Variants in GAPVD1 observed in about 807,000 individuals in gnomAD.
GAPVD1 encodes the protein GTPase activating protein and VPS9 domains 1, also known as GTPase-activating protein and VPS9 domain-containing protein 1.
In GAPVD1, 35 loss-of-function variants were observed where a neutral mutation model predicts 155.5. The ratio of observed to expected loss-of-function variants is 0.23; its 90% CI spans 0.17 to 0.30. The LOEUF (loss-of-function observed/expected upper bound fraction) is 0.30, where lower values mean the gene tolerates loss of function less well. Ranked by LOEUF, GAPVD1 falls within the 10% of genes least tolerant of loss-of-function variation. GAPVD1 has a pLI of 1.00. For missense variants in GAPVD1, 1,429 were observed against 1,775.7 expected, an observed-to-expected ratio of 0.80 and a Z score of 3.51; for synonymous variants, 636 against 619.7, an observed-to-expected ratio of 1.03 and a Z score of -0.39.
chr9:125,265,858 G>A (rs1034889327), intron 1 of GAPVD1, among the ~76,000 whole-genome samples: 2 of 146,444 alleles, frequency 1.4e-5, no homozygotes, highest in African/African-American at 5.0e-5. Flanking sequence ...CCTTGAACCC[G>A]GGAGTTCAAG....
chr9:125,320,199 G>A (rs1284883423), intron 9 of GAPVD1, among the ~76,000 whole-genome samples: 1 of 152,138 alleles, frequency 6.6e-6, no homozygotes, highest in Non-Finnish European at 1.5e-5. Flanking sequence ...ACAGCCAAGG[G>A]AGCCAAGGCC....
Position 125,292,547 on chromosome 9 carries a change from C to T in GAPVD1, c.-149-2911C>T, listed in dbSNP as rs374914912. ...AGCTGGGATTACAGGTGTGCACCAC[C>T]AAGCCCGGCTAATTTTTGTATTTTT... On this transcript the variant is annotated intron_variant, in intron 2 of 27. Coordinates refer to ENST00000297933, the MANE Select transcript of GAPVD1 (RefSeq NM_001282680.3). Among the ~76,000 whole-genome samples, 13 of 152,164 alleles carry T rather than the reference C, an allele frequency of 8.5e-5. No individual in the cohort carries two copies. In the East Asian group the frequency reaches 2.5e-3, roughly 29 times the overall value.
At chr9:125,262,580 T>G (rs1413727323) in intron 1 of GAPVD1, among the ~76,000 whole-genome samples, 2 of 152,162 alleles carry the variant, frequency 1.3e-5, no homozygotes, top group African/African-American at 4.8e-5. Context: ...CAGGGTTCTG[T>G]GTATAAATGT....
chr9:125,293,872 A>ATATAAATATATTT (rs1564311691), intron 2 of GAPVD1, among the ~76,000 whole-genome samples: 3 of 14,620 alleles, frequency 2.1e-4, no homozygotes, highest in East Asian at 1.9e-3. Flanking sequence ...ATATATATAT[A>ATATAAATATATTT]TATATATATA....
intron 13 of GAPVD1, among the ~76,000 whole-genome samples, chr9:125,331,489 C>A (rs993692145): frequency 5.3e-5 from 8 of 152,328 alleles, no homozygotes; most frequent in Middle Eastern, 6.8e-3. Context: ...GTGTGAGCTA[C>A]CACGGCTGGC....
Position 125,321,635 on chromosome 9 carries a change from A to C in GAPVD1, c.1732+73A>C, listed in dbSNP as rs1408975285. 1.6e-5 allele frequency: 21 copies of C among 1,333,490 alleles called. No homozygotes were observed. In the East Asian group the frequency reaches 4.9e-4, roughly 31 times the overall value. The allele number at this position is 1,333,490 out of a possible 1,614,324, so 82.6% of individuals were successfully genotyped here. A position where few individuals can be genotyped will look rare whatever the true frequency, so the allele number is the denominator to read the frequency against. On this transcript the variant is annotated intron_variant, in intron 10 of 27. Coordinates refer to ENST00000297933, the MANE Select transcript of GAPVD1 (RefSeq NM_001282680.3). Reference sequence around the variant, plus strand: ...TGTTTTGTGTTTTTTAAAGGAGCTTATAAATTATAATTATACCATCTGTGC... The same window carrying C: ...TGTTTTGTGTTTTTTAAAGGAGCTTCTAAATTATAATTATACCATCTGTGC...
At chr9:125,269,504 T>C (rs1834523380) in intron 2 of GAPVD1, among the ~76,000 whole-genome samples, 1 of 151,894 alleles carries the variant, frequency 6.6e-6, no homozygotes, top group South Asian at 2.1e-4. Context: ...CTTGTTTTTT[T>C]TTTGAGTTGG....
intron 23 of GAPVD1, among the ~76,000 whole-genome samples, chr9:125,351,273 C>T (rs528435510): frequency 6.6e-6 from 1 of 152,304 alleles, no homozygotes; most frequent in South Asian, 2.1e-4. Flanking sequence ...GATTCAATTA[C>T]CTCCCACTGG....
rs2132704149 is a variant in GAPVD1 at position 125,360,823 on chromosome 9, G to A, written c.4242+98G>A. ...CATAGATATCTTGGCTCTTTTCCAA[G>A]TCACAAGCTCTGGGTTACTCAGAAA... is the stretch of plus-strand genomic sequence containing the variant. On this transcript the variant is annotated intron_variant, in intron 27 of 27. Coordinates refer to ENST00000297933, the MANE Select transcript of GAPVD1 (RefSeq NM_001282680.3). The A allele has an allele frequency of 4.6e-6, 4 of 871,614 alleles. No individual in the cohort carries two copies. In the East Asian group the frequency reaches 1.0e-4, roughly 22 times the overall value. The allele number at this position is 871,614 out of a possible 1,614,324, so 54.0% of individuals were successfully genotyped here.
intron 2 of GAPVD1, among the ~76,000 whole-genome samples, chr9:125,288,527 T>C (rs1377804854): frequency 1.3e-5 from 2 of 152,196 alleles, no homozygotes. Context: ...AATAAGAATA[T>C]GTCATTGAAA....
intron 2 of GAPVD1, among the ~76,000 whole-genome samples, chr9:125,293,841 A>AT (rs1491119840): frequency 2.3e-4 from 19 of 82,568 alleles, no homozygotes; most frequent in African/African-American, 8.7e-4. Flanking sequence ...ATATATATAT[A>AT]AAAATATATT....
intron 15 of GAPVD1, among the ~76,000 whole-genome samples, chr9:125,333,485 CTTTTTTTTTTT>C (rs36083522): frequency 3.2e-5 from 4 of 124,368 alleles, no homozygotes; most frequent in Non-Finnish European, 6.8e-5. Flanking sequence ...TACCTTTTGT[CTTTTTTTTTTT>C]TTTTTTTTTG....
chr9:125,321,090 C>A (rs1019090434), intron 9 of GAPVD1, among the ~76,000 whole-genome samples: 2 of 152,094 alleles, frequency 1.3e-5, no homozygotes, highest in Non-Finnish European at 2.9e-5. Context: ...CAATAACTTG[C>A]CTATCCAAGG....
In GAPVD1 at chr9:125,307,268, C is replaced by CAAA. The variant is rs34896429; in HGVS notation, c.1117-130_1117-128dup. 1.0e-3 allele frequency: 457 copies of CAAA among 453,302 alleles called. 1 individual carries two copies. The highest frequency in any genetic ancestry group is 4.2e-3 in the African/African-American group (151 of 35,724). 28.1% of individuals were successfully genotyped at this position (453,302 alleles called of 1,614,324 possible). A position where few individuals can be genotyped will look rare whatever the true frequency, so the allele number is the denominator to read the frequency against. On this transcript the variant is annotated intron_variant, in intron 6 of 27. Transcript: ENST00000297933. Reference sequence around the variant, plus strand: ...TGGGTAAAAGAGTGAAACTTTGTCTCAAAAAAAAAAAAAAAAATTCAACAT... The same window carrying CAAA: ...TGGGTAAAAGAGTGAAACTTTGTCTCAAAAAAAAAAAAAAAAAAAATTCAACAT...
intron 9 of GAPVD1, among the ~76,000 whole-genome samples, chr9:125,314,564 G>A (rs930011568): frequency 2.0e-5 from 3 of 151,964 alleles, no homozygotes; most frequent in Non-Finnish European, 4.4e-5. Flanking sequence ...TGAGACAGGA[G>A]AATCGCTTGA....
intron 17 of GAPVD1, among the ~76,000 whole-genome samples, chr9:125,338,824 G>A (rs1454557977): frequency 6.6e-6 from 1 of 152,010 alleles, no homozygotes; most frequent in African/African-American, 2.4e-5. Flanking sequence ...GTATTTAGGG[G>A]GAGAGGGTAC....
chr9:125,323,730 C>G, intron 10 of GAPVD1, 68 bp from the exon 11 acceptor site: 2 of 1,463,908 alleles, frequency 1.4e-6, no homozygotes, highest in Non-Finnish European at 1.9e-6. Context: ...TTTATCAAGG[C>G]ATGAAAAATT....
chr9:125,300,255 C>T (rs1840664623), intron 4 of GAPVD1, among the ~76,000 whole-genome samples: 1 of 147,142 alleles, frequency 6.8e-6, no homozygotes, highest in South Asian at 2.2e-4. Context: ...AATCTCAGCT[C>T]ACTGCAACCT....
At chr9:125,273,236 T>G in intron 2 of GAPVD1, among the ~76,000 whole-genome samples, 1 of 152,188 alleles carries the variant, frequency 6.6e-6, no homozygotes, top group Non-Finnish European at 1.5e-5. Context: ...TCTAGATTGG[T>G]TGGATACTTC....
Sources: gnomAD v4.1 joint callset for allele counts (sites outside exome capture counted in the v4.1 genomes callset) on GRCh38, gnomAD v4.1.1 for gene constraint, MANE v1.5 for transcripts, NCBI Gene and HGNC (gene_info 2026-07-23, HGNC 2026-07-21) for gene names.